MYO1E: variants seen among roughly 807,000 people sequenced by gnomAD.
The protein encoded by MYO1E is unconventional myosin-Ie.
A neutral mutation model predicts 151.1 loss-of-function variants in MYO1E; 68 were observed. The observed-to-expected ratio is 0.45, with a 90% CI of 0.37 to 0.55. The LOEUF is 0.55. MYO1E is among the 20% of genes least tolerant of loss of function. The pLI is 0.00. For synonymous variants in MYO1E, 601 were observed against 501.7 expected, an observed-to-expected ratio of 1.20 and a Z score of -2.64; for missense variants, 1,363 against 1,389.3, an observed-to-expected ratio of 0.98 and a Z score of 0.30.
At chr15:59,215,066 G>T (rs561642404) in intron 10 of MYO1E, among the ~76,000 whole-genome samples, 1 of 152,054 alleles carries the variant, frequency 6.6e-6, no homozygotes, top group Non-Finnish European at 1.5e-5. Context: ...TTCACACAAA[G>T]AACCCACACT....
chr15:59,352,450 C>A (rs1567022484), intron 1 of MYO1E, among the ~76,000 whole-genome samples: 1 of 152,000 alleles, frequency 6.6e-6, no homozygotes, highest in Non-Finnish European at 1.5e-5. Flanking sequence ...TAATAATATC[C>A]CAGGGATGCC....
Position 59,216,685 on chromosome 15 carries a change from T to C in MYO1E, c.1107+1206A>G, listed in dbSNP as rs866019518. ...GTATGTGTATATATATATATATATA[T>C]ACACATACACACACACACACACACA... On this transcript the variant is annotated intron_variant, in intron 10 of 27. Coordinates refer to ENST00000288235, the MANE Select transcript of MYO1E (RefSeq NM_004998.4). Among the ~76,000 whole-genome samples the C allele has an allele frequency of 1.5e-3, 59 of 38,644 alleles. 1 individual carries two copies. Among genetic ancestry groups the C allele is most frequent in the Middle Eastern group, 0.014 (1 of 74 alleles). The allele number at this position is 38,644 out of a possible 152,430, so 25.4% of individuals were successfully genotyped here. A position where few individuals can be genotyped will look rare whatever the true frequency, so the allele number is the denominator to read the frequency against.
At chr15:59,140,142 C>G (rs1258880280) in intron 26 of MYO1E, among the ~76,000 whole-genome samples, 3 of 151,932 alleles carry the variant, frequency 2.0e-5, no homozygotes, top group African/African-American at 7.3e-5. Flanking sequence ...TGGCCTCTAC[C>G]CACTGGATAC....
intron 22 of MYO1E, 58 bp from the exon 23 acceptor site, chr15:59,163,361 G>GTTT: frequency 2.2e-6 from 3 of 1,394,976 alleles, no homozygotes; most frequent in Non-Finnish European, 1.9e-6. Context: ...TTACTCTATT[G>GTTT]TTTTTTTTTT....
chr15:59,236,057 C>G lies in MYO1E; in HGVS notation c.420+528G>C, dbSNP rs1266743320. 2.0e-5 allele frequency among the ~76,000 whole-genome samples: 3 copies of G among 152,128 alleles called. No individual in the cohort carries two copies. In the East Asian group the frequency reaches 5.8e-4, roughly 29 times the overall value. The stretch of plus-strand genomic sequence containing the variant: ...TTGTAGGAGTTCATTATATATTAGG[C>G]ACATCTACCTTAAAATATGCTATTC... On this transcript the variant is annotated intron_variant, in intron 5 of 27. Transcript: ENST00000288235.
intron 7 of MYO1E, 64 bp downstream of exon 7, chr15:59,227,395 C>A: frequency 6.3e-7 from 1 of 1,599,168 alleles, no homozygotes. Context: ...TGCCTGAAGT[C>A]TGAGAAATAT....
At chr15:59,301,684 C>T (rs549912219) in intron 1 of MYO1E, among the ~76,000 whole-genome samples, 129 of 152,322 alleles carry the variant, frequency 8.5e-4, no homozygotes, top group Non-Finnish European at 1.7e-3. Context: ...CATGACCTGG[C>T]AGAGAGAAGA....
At chr15:59,306,562 C>T (rs1456851632) in intron 1 of MYO1E, among the ~76,000 whole-genome samples, 2 of 152,192 alleles carry the variant, frequency 1.3e-5, no homozygotes, top group Non-Finnish European at 2.9e-5. Context: ...TGGCAAATTG[C>T]CATGGGGTTG....
chr15:59,226,049 T>G (rs1276309569), intron 7 of MYO1E, among the ~76,000 whole-genome samples: 1 of 152,130 alleles, frequency 6.6e-6, no homozygotes, highest in African/African-American at 2.4e-5. Context: ...TGGGGGAGGG[T>G]TGGGGCTTGC....
intron 1 of MYO1E, among the ~76,000 whole-genome samples, chr15:59,346,981 C>T (rs549994100): frequency 1.4e-4 from 22 of 151,982 alleles, no homozygotes; most frequent in Non-Finnish European, 2.6e-4. Context: ...TGAATGGAGG[C>T]CCCTGAAAGA....
intron 4 of MYO1E, among the ~76,000 whole-genome samples, chr15:59,245,265 G>A (rs1191952134): frequency 2.0e-5 from 3 of 152,194 alleles, no homozygotes; most frequent in South Asian, 2.1e-4. Flanking sequence ...CAAAGAGCAC[G>A]AGAGACCCAC....
intron 6 of MYO1E, 56 bp downstream of exon 6, chr15:59,231,646 A>G: frequency 1.3e-6 from 2 of 1,564,708 alleles, no homozygotes; most frequent in Non-Finnish European, 1.8e-6. Context: ...GACTTCAGTC[A>G]GAAGCATCAA....
intron 4 of MYO1E, among the ~76,000 whole-genome samples, chr15:59,247,013 T>A (rs1350176320): frequency 6.6e-6 from 1 of 152,006 alleles, no homozygotes; most frequent in African/African-American, 2.4e-5. Flanking sequence ...CTGGGCAACA[T>A]AAGAAGACCC....
chr15:59,358,195 G>A (rs925235490), intron 1 of MYO1E, among the ~76,000 whole-genome samples: 2 of 152,084 alleles, frequency 1.3e-5, no homozygotes, highest in Admixed American at 6.6e-5. Flanking sequence ...CTGGACCAAG[G>A]AGTATCAAGA....
At chr15:59,210,658 G>T in intron 12 of MYO1E, 58 bp from the exon 13 acceptor site, 1 of 1,237,426 alleles carries the variant, frequency 8.1e-7, no homozygotes, top group Non-Finnish European at 1.2e-6. Context: ...GCTCTGCACG[G>T]ACAGACCCTG....
intron 17 of MYO1E, among the ~76,000 whole-genome samples, chr15:59,195,242 T>C: frequency 6.6e-6 from 1 of 152,164 alleles, no homozygotes; most frequent in East Asian, 1.9e-4. Context: ...ATCAACATTA[T>C]AAACTGCTAA....
intron 25 of MYO1E, among the ~76,000 whole-genome samples, chr15:59,154,027 T>C (rs539653689): frequency 3.3e-5 from 5 of 152,344 alleles, no homozygotes; most frequent in South Asian, 2.1e-4. Context: ...TAAAATTGTA[T>C]GTATTTAACA....
chr15:59,215,062 C>T (rs1298158671), intron 10 of MYO1E, among the ~76,000 whole-genome samples: 4 of 152,132 alleles, frequency 2.6e-5, no homozygotes, highest in Non-Finnish European at 5.9e-5. Context: ...CTATTTCACA[C>T]AAAGAACCCA....
At chr15:59,157,955 G>A (rs1394235216) in intron 25 of MYO1E, among the ~76,000 whole-genome samples, 1 of 152,194 alleles carries the variant, frequency 6.6e-6, no homozygotes, top group East Asian at 1.9e-4. Flanking sequence ...TTTCCATAAA[G>A]CAGCATCCTG....
Sources: gnomAD v4.1 joint callset for allele counts (sites outside exome capture counted in the v4.1 genomes callset) on GRCh38, gnomAD v4.1.1 for gene constraint, MANE v1.5 for transcripts, NCBI Gene and HGNC (gene_info 2026-07-23, HGNC 2026-07-21) for gene names.